CLHC1: variants seen among roughly 807,000 people sequenced by gnomAD.
CLHC1 encodes clathrin heavy chain linker domain-containing protein 1.
A neutral mutation model predicts 69.5 loss-of-function variants in CLHC1; 72 were observed. The observed-to-expected ratio is 1.04, with a 90% CI of 0.86 to 1.26. The LOEUF (loss-of-function observed/expected upper bound fraction) is 1.26. CLHC1 is among the 50% of genes most tolerant of loss of function. The probability of loss-of-function intolerance (pLI) is 0.00; values close to 1 mark genes in which losing one functional copy is unlikely to be tolerated. For missense variants in CLHC1, 790 were observed against 679.3 expected, an observed-to-expected ratio of 1.16 and a Z score of -1.81; for synonymous variants, 223 against 224.3, an observed-to-expected ratio of 0.99 and a Z score of 0.05.
chr2:55,212,768 G>T lies in CLHC1; in HGVS notation c.404C>A (p.Ser135Tyr). The T allele has an allele frequency of 1.2e-6, 2 of 1,602,214 alleles. No homozygotes were observed. Among genetic ancestry groups the T allele is most frequent in the African/African-American group, 1.3e-5 (1 of 74,772 alleles). Residue 135 changes from serine to tyrosine, a missense_variant, in exon 5 of 13, where the codon TCT becomes TAT. Ser to Tyr is a moderately radical substitution (Grantham distance 144). Coordinates refer to ENST00000401408, the MANE Select transcript of CLHC1 (RefSeq NM_152385.4). The part of the protein sequence containing the change: ...IIESNSSKIQ[S>Y]QIDHIKQCRA... ...ACACTGCTTGATGTGATCTATTTGA[G>T]ATTGAATCTTCGAGGAATTACTTTC...
chr2:55,217,386 G>A (rs949023658), intron 4 of CLHC1, among the ~76,000 whole-genome samples: 1 of 149,630 alleles, frequency 6.7e-6, no homozygotes, highest in African/African-American at 2.5e-5. Flanking sequence ...AGCTGGGCAT[G>A]GTGGCATGCA....
intron 1 of CLHC1, among the ~76,000 whole-genome samples, chr2:55,230,244 A>G (rs934270397): frequency 6.6e-6 from 1 of 152,216 alleles, no homozygotes; most frequent in African/African-American, 2.4e-5. Context: ...TGTTCTGCAT[A>G]TATTTTGAAA....
chr2:55,178,037 A>C (rs560291623), intron 11 of CLHC1, among the ~76,000 whole-genome samples: 1 of 152,306 alleles, frequency 6.6e-6, no homozygotes, highest in South Asian at 2.1e-4. Flanking sequence ...ATTATAATGA[A>C]AAAAATGTGG....
rs1669239955 is a variant in CLHC1 at position 55,174,779 on chromosome 2, T to C, written c.*1011A>G. On this transcript the variant is annotated 3_prime_UTR_variant, in exon 13 of 13. Transcript: ENST00000401408. ...TTTTCATTTTTTACTTGAAATTTTT[T>C]TTTCTTTTTTTAATAACAGAGACGG... is the stretch of plus-strand genomic sequence containing the variant. 6.6e-6 allele frequency: 1 copy of C among 152,198 alleles called. No individual in the cohort carries two copies. Among genetic ancestry groups the C allele is most frequent in the African/African-American group, 2.4e-5 (1 of 41,440 alleles). The allele number at this position is 152,198 out of a possible 1,614,324, so 9.4% of individuals were successfully genotyped here. A position where few individuals can be genotyped will look rare whatever the true frequency, so the allele number is the denominator to read the frequency against.
intron 9 of CLHC1, among the ~76,000 whole-genome samples, chr2:55,195,631 A>G (rs1487311224): frequency 6.6e-5 from 10 of 152,060 alleles, no homozygotes; most frequent in African/African-American, 2.4e-4. Flanking sequence ...GTGAAACCCC[A>G]TCTCTACTAA....
At position 55,210,442 on chromosome 2, in the gene CLHC1, C is replaced by T. The variant is rs570467841; in HGVS notation, c.500-611G>A. 5.7e-4 allele frequency among the ~76,000 whole-genome samples: 87 copies of T among 152,146 alleles called. 1 individual carries two copies. The highest frequency in any genetic ancestry group is 1.2e-3 in the Admixed American group (19 of 15,262). ...AACTCCTGACCTCAAGTGATTCGCT[C>T]GCCTCGGCCTCTCAAAGTGCTGGGA... On this transcript the variant is annotated intron_variant, in intron 5 of 12. Coordinates refer to ENST00000401408, the MANE Select transcript of CLHC1 (RefSeq NM_152385.4).
intron 3 of CLHC1, chr2:55,218,464 T>C (rs1339052210): frequency 6.6e-6 from 1 of 152,252 alleles, no homozygotes; most frequent in East Asian, 1.9e-4. Context: ...ATATTCTCAA[T>C]ATCTAATTGC....
chr2:55,196,174 C>T (rs919088526), intron 9 of CLHC1, among the ~76,000 whole-genome samples: 1 of 152,182 alleles, frequency 6.6e-6, no homozygotes, highest in African/African-American at 2.4e-5. Context: ...TCTATCCCAG[C>T]AGGTTGGAAT....
intron 9 of CLHC1, among the ~76,000 whole-genome samples, chr2:55,196,225 T>C (rs997231039): frequency 1.3e-5 from 2 of 152,196 alleles, no homozygotes; most frequent in Non-Finnish European, 2.9e-5. Context: ...CTCAAGTGCT[T>C]TGGGGTCCTA....
chr2:55,224,814 G>GC, intron 2 of CLHC1: 7 of 302,018 alleles, frequency 2.3e-5, no homozygotes, highest in South Asian at 1.9e-4. Flanking sequence ...CGTCAAAGAG[G>GC]CCCCCCAGCC....
chr2:55,209,920 T>C (rs1238463852), intron 5 of CLHC1, 89 bp from the exon 6 acceptor site: 1 of 790,502 alleles, frequency 1.3e-6, no homozygotes, highest in Non-Finnish European at 2.1e-6. Context: ...CAGTTCACTA[T>C]GTTAAGAAAC....
chr2:55,181,606 C>A lies in CLHC1; in HGVS notation c.1145G>T (p.Arg382Leu), dbSNP rs144133542. The A allele has an allele frequency of 6.2e-7, 1 of 1,612,116 alleles. No homozygotes were observed. The highest frequency in any genetic ancestry group is 8.5e-7 in the Non-Finnish European group (1 of 1,179,532). Residue 382 changes from arginine (R) to leucine (L), a missense_variant, in exon 10 of 13, where the codon CGG becomes CTG. Coordinates refer to ENST00000401408, the MANE Select transcript of CLHC1 (RefSeq NM_152385.4). ...AACCCAATTGGTAACTAAATCTAAC[C>A]GTTTTTCTGATAATCCACATTTGAT... Reference protein sequence around the residue: ...EGIKCGLSEKRLDLVTNWVTQ... With the variant: ...EGIKCGLSEKLLDLVTNWVTQ...
intron 9 of CLHC1, among the ~76,000 whole-genome samples, chr2:55,185,749 T>A (rs763665142): frequency 4.6e-5 from 7 of 152,182 alleles, no homozygotes; most frequent in Non-Finnish European, 8.8e-5. Flanking sequence ...GTCTTACTAA[T>A]CTTTGTATCT....
At chr2:55,210,138 GC>G (rs1672845107) in intron 5 of CLHC1, among the ~76,000 whole-genome samples, 2 of 152,130 alleles carry the variant, frequency 1.3e-5, no homozygotes, top group South Asian at 4.2e-4. Context: ...GGGATTACAG[GC>G]GTGAGCCACT....
chr2:55,212,929 C>G (rs1673155186), intron 4 of CLHC1, 123 bp from the exon 5 acceptor site: 1 of 702,046 alleles, frequency 1.4e-6, no homozygotes, highest in African/African-American at 1.8e-5. Context: ...GTGAAATGCC[C>G]TGAAAAAGTT....
At chr2:55,226,145 TCG>T (rs1674679176) in intron 2 of CLHC1, among the ~76,000 whole-genome samples, 1 of 147,500 alleles carries the variant, frequency 6.8e-6, no homozygotes. Context: ...TGAGCCAAGA[TCG>T]CACCACTGCA....
At chr2:55,208,479 G>T in intron 8 of CLHC1, 147 bp downstream of exon 8, 1 of 552,858 alleles carries the variant, frequency 1.8e-6, no homozygotes, top group Non-Finnish European at 3.1e-6. Context: ...GATTAGGAAT[G>T]CTTAACCTGT....
At chr2:55,221,445 T>C (rs1378972033) in intron 3 of CLHC1, among the ~76,000 whole-genome samples, 9 of 152,242 alleles carry the variant, frequency 5.9e-5, no homozygotes, top group Non-Finnish European at 2.9e-5. Flanking sequence ...TCCAGTCTAA[T>C]TCCTTGTAAA....
intron 9 of CLHC1, among the ~76,000 whole-genome samples, chr2:55,192,701 CAA>C (rs574170362): frequency 6.6e-6 from 1 of 151,948 alleles, no homozygotes; most frequent in Non-Finnish European, 1.5e-5. Flanking sequence ...TGATTTTTGA[CAA>C]AGAGGTCAAA....
Sources: gnomAD v4.1 joint callset for allele counts (sites outside exome capture counted in the v4.1 genomes callset) on GRCh38, gnomAD v4.1.1 for gene constraint, MANE v1.5 for transcripts, NCBI Gene and HGNC (gene_info 2026-07-23, HGNC 2026-07-21) for gene names.